The following AHR variants were observed in gnomAD, a reference collection of about 807,000 sequenced individuals.
AHR encodes the protein aryl hydrocarbon receptor.
Under a neutral mutation model 86.8 loss-of-function variants are expected in AHR, and 40 were observed. The ratio of observed to expected loss-of-function variants is 0.46; its 90% confidence interval spans 0.36 to 0.60. The LOEUF (loss-of-function observed/expected upper bound fraction) is 0.60. Among genes scored for constraint, AHR ranks in the 20% least tolerant of loss-of-function variants. The pLI, the probability that AHR is intolerant of heterozygous loss-of-function variation, is 0.00. For missense variants in AHR, 1,001 were observed against 1,011.6 expected, an observed-to-expected ratio of 0.99 and a Z score of 0.14; for synonymous variants, 398 against 354.9, an observed-to-expected ratio of 1.12 and a Z score of -1.37.
At position 17,322,521 on chromosome 7, in the gene AHR, A is replaced by G; in HGVS notation, c.274A>G (p.Thr92Ala). ...FFDVALKSSPTERNGGQDNCR... is the reference protein window; with the variant it reads ...FFDVALKSSPAERNGGQDNCR... The stretch of plus-strand genomic sequence containing the variant: ...CATAGTTGCATTAAAATCCTCCCCT[A>G]CTGAAAGAAACGGAGGCCAGGATAA... Residue 92 changes from threonine (T) to alanine (A), a missense_variant, in exon 3 of 11, where the codon ACT becomes GCT. Physicochemically the swap from Thr to Ala is moderately conservative, Grantham distance 58. Coordinates refer to ENST00000242057, the MANE Select transcript of AHR (RefSeq NM_001621.5). 1 of 1,611,100 alleles carries G rather than the reference A, an allele frequency of 6.2e-7. No homozygotes were observed. The highest frequency in any genetic ancestry group is 1.3e-5 in the African/African-American group (1 of 74,894).
rs1216153133 is a variant in AHR, at chr7:17,327,767, T to C, written c.369T>C (p.Asn123=). 1 of 1,559,372 alleles carries C rather than the reference T, an allele frequency of 6.4e-7. No individual in the cohort carries two copies. Residue 123 remains asparagine, a synonymous_variant, in exon 4 of 11, where the codon AAT becomes AAC. Coordinates refer to ENST00000242057, the MANE Select transcript of AHR (RefSeq NM_001621.5). ...QEGEFLLQAL[N]GFVLVVTTDA... ...ACTTCCTTTCCTTGTAGGCTCTGAA[T>C]GGCTTTGTATTAGTTGTCACTACAG...
chr7:17,309,524 C>G (rs1782040832), intron 1 of AHR, among the ~76,000 whole-genome samples: 1 of 152,146 alleles, frequency 6.6e-6, no homozygotes, highest in Non-Finnish European at 1.5e-5. Flanking sequence ...GTCAATGATG[C>G]TGAGATGCTT....
Position 17,345,247 on chromosome 7 carries a change from G to A in AHR, c.*2183G>A, listed in dbSNP as rs556030929. Reference sequence around the variant, plus strand: ...GGAGAATAGCCTGAACCTGGGAATCGGAGGTTGCAGAGCCAAGATCGCCCC... The same window carrying A: ...GGAGAATAGCCTGAACCTGGGAATCAGAGGTTGCAGAGCCAAGATCGCCCC... On this transcript the variant is annotated 3_prime_UTR_variant, in exon 11 of 11. Coordinates refer to ENST00000242057, the MANE Select transcript of AHR (RefSeq NM_001621.5). 6.6e-5 allele frequency: 10 copies of A among 151,962 alleles called. No individual in the cohort carries two copies. The highest frequency in any genetic ancestry group is 1.2e-4 in the Non-Finnish European group (8 of 67,930). 9.4% of individuals were successfully genotyped at this position (151,962 alleles called of 1,614,324 possible).
rs2115372744 is a variant in AHR at position 17,344,264 on chromosome 7, A to G, written c.*1200A>G. Reference sequence around the variant, plus strand: ...TATTTGAGGAGTGTTAAGATTGCAGATAGCAAGGTTTGGTGCAAAGTATTG... The same window carrying G: ...TATTTGAGGAGTGTTAAGATTGCAGGTAGCAAGGTTTGGTGCAAAGTATTG... On this transcript the variant is annotated 3_prime_UTR_variant, in exon 11 of 11. Transcript: ENST00000242057. 6.5e-6 allele frequency: 1 copy of G among 152,924 alleles called. No individual in the cohort carries two copies. Among genetic ancestry groups the G allele is most frequent in the East Asian group, 1.9e-4 (1 of 5,328 alleles). 9.5% of individuals were successfully genotyped at this position (152,924 alleles called of 1,614,324 possible). A position where few individuals can be genotyped will look rare whatever the true frequency, so the allele number is the denominator to read the frequency against.
rs1782244290 is a variant in AHR, at chr7:17,327,751, C to A, written c.361-8C>A. 1 of 1,528,700 alleles carries A rather than the reference C, an allele frequency of 6.5e-7. No individual in the cohort carries two copies. Among genetic ancestry groups the A allele is most frequent in the Non-Finnish European group, 8.9e-7 (1 of 1,119,888 alleles). The allele number at this position is 1,528,700 out of a possible 1,614,324, so 94.7% of individuals were successfully genotyped here. A position where few individuals can be genotyped will look rare whatever the true frequency, so the allele number is the denominator to read the frequency against. ...TATTACTAATTTTAGAACTTCCTTT[C>A]CTTGTAGGCTCTGAATGGCTTTGTA... On this transcript the variant is annotated splice_region_variant and splice_polypyrimidine_tract_variant and intron_variant, in intron 3 of 10. Transcript: ENST00000242057.
intron 2 of AHR, among the ~76,000 whole-genome samples, chr7:17,319,107 T>C (rs1782144615): frequency 6.6e-6 from 1 of 152,084 alleles, no homozygotes; most frequent in African/African-American, 2.4e-5. Context: ...TCCTATTAGA[T>C]ACTAATTACT....
At chr7:17,337,202 A>G (rs1782362716) in intron 9 of AHR, among the ~76,000 whole-genome samples, 1 of 152,026 alleles carries the variant, frequency 6.6e-6, no homozygotes, top group African/African-American at 2.4e-5. Context: ...TAGTCAGAAA[A>G]TATTCTCTGG....
intron 7 of AHR, 40 bp downstream of exon 7, chr7:17,334,154 A>G (rs769687419): frequency 2.6e-6 from 4 of 1,527,004 alleles, no homozygotes; most frequent in South Asian, 2.2e-5. Flanking sequence ...TTGGATGTAC[A>G]TTATGTTTCA....
intron 1 of AHR, among the ~76,000 whole-genome samples, chr7:17,307,127 G>A (rs1032720689): frequency 6.8e-6 from 1 of 146,294 alleles, no homozygotes; most frequent in Admixed American, 6.6e-5. Context: ...ATATTGCAAA[G>A]AGCCAGCACA....
intron 1 of AHR, among the ~76,000 whole-genome samples, chr7:17,302,758 G>A (rs1234111620): frequency 2.0e-5 from 3 of 150,954 alleles, no homozygotes; most frequent in African/African-American, 4.9e-5. Flanking sequence ...AATAAAGCAC[G>A]ACAGTCAGCA....
chr7:17,312,334 T>C (rs925725326), intron 2 of AHR, among the ~76,000 whole-genome samples: 1 of 152,210 alleles, frequency 6.6e-6, no homozygotes, highest in African/African-American at 2.4e-5. Flanking sequence ...TGTTCCTTTG[T>C]AATGGGGAAT....
intron 5 of AHR, 119 bp from the exon 6 acceptor site, chr7:17,330,637 A>T (rs1480649622): frequency 3.5e-6 from 3 of 865,210 alleles, no homozygotes; most frequent in Non-Finnish European, 4.8e-6. Context: ...TTTGAAAATG[A>T]TTTTTTTGTA....
At position 17,339,155 on chromosome 7, in the gene AHR, T is replaced by G; in HGVS notation, c.1330T>G (p.Ser444Ala). Residue 444 changes from serine to alanine, a missense_variant, in exon 10 of 11, where the codon TCC becomes GCC. Ser to Ala is a moderately conservative substitution (Grantham distance 99). Transcript: ENST00000242057. ...TAGTGGAAAAGACTCTGCTACCACA[T>G]CCACTCTAAGCAAGGACTCTCTCAA... is the stretch of plus-strand genomic sequence containing the variant. ...GTSGKDSATTSTLSKDSLNPS... is the reference protein window; with the variant it reads ...GTSGKDSATTATLSKDSLNPS... 1 of 1,614,130 alleles carries G rather than the reference T, an allele frequency of 6.2e-7. No individual in the cohort carries two copies. Among genetic ancestry groups the G allele is most frequent in the Non-Finnish European group, 8.5e-7 (1 of 1,180,008 alleles).
chr7:17,319,120 T>C (rs1318289919), intron 2 of AHR, among the ~76,000 whole-genome samples: 1 of 152,106 alleles, frequency 6.6e-6, no homozygotes, highest in Non-Finnish European at 1.5e-5. Context: ...TAATTACTGC[T>C]TTCCACTTAA....
intron 7 of AHR, among the ~76,000 whole-genome samples, chr7:17,334,359 C>A (rs1261270105): frequency 6.6e-6 from 1 of 151,962 alleles, no homozygotes; most frequent in African/African-American, 2.4e-5. Flanking sequence ...GTTTATTCTT[C>A]TGATGACATT....
intron 2 of AHR, among the ~76,000 whole-genome samples, chr7:17,317,137 T>C (rs1782123953): frequency 1.8e-5 from 2 of 113,966 alleles, no homozygotes; most frequent in Admixed American, 2.0e-4. Context: ...TTTTTTTGAA[T>C]ATGCATAAGG....
intron 2 of AHR, among the ~76,000 whole-genome samples, chr7:17,317,116 GT>G (rs66779121): frequency 8.3e-4 from 103 of 123,676 alleles, no homozygotes; most frequent in Non-Finnish European, 1.5e-3. Context: ...GGAGAATTTT[GT>G]TTTTTTTTTT....
Position 17,339,847 on chromosome 7 carries a change from C to A in AHR, c.2022C>A (p.Val674=), listed in dbSNP as rs1243894192. 6.2e-7 allele frequency: 1 copy of A among 1,614,208 alleles called. No individual in the cohort carries two copies. ...AGCAAGACCCACAACAATATAATGTCTTTACAGACTTACATGGGATCAGTC... is the reference window on the plus strand; with the variant it reads ...AGCAAGACCCACAACAATATAATGTATTTACAGACTTACATGGGATCAGTC... The part of the protein sequence containing the change: ...CPQQDPQQYN[V]FTDLHGISQE... Residue 674 remains valine (V), a synonymous_variant, in exon 10 of 11, where the codon GTC becomes GTA. Transcript: ENST00000242057.
chr7:17,299,178 G>A lies in AHR; in HGVS notation c.-87G>A, dbSNP rs1321992489. On this transcript the variant is annotated 5_prime_UTR_variant, in exon 1 of 11. Coordinates refer to ENST00000242057, the MANE Select transcript of AHR (RefSeq NM_001621.5). The stretch of plus-strand genomic sequence containing the variant: ...CGCGGCTTCGCGGAACCCGGCGCCG[G>A]CCGCCGCAGTGGTCCCAGCCTACAC... 3.5e-6 allele frequency: 5 copies of A among 1,428,392 alleles called. No homozygotes were observed. The highest frequency in any genetic ancestry group is 3.7e-6 in the Non-Finnish European group (4 of 1,082,456). 88.5% of individuals were successfully genotyped at this position (1,428,392 alleles called of 1,614,324 possible).
Sources: allele counts gnomAD v4.1 joint callset (sites outside exome capture counted in the v4.1 genomes callset), GRCh38; gene constraint gnomAD v4.1.1; transcripts MANE v1.5; gene names NCBI Gene and HGNC (gene_info 2026-07-23, HGNC 2026-07-21).